Variants in VPS13B observed in about 807,000 individuals in gnomAD.
VPS13B encodes the protein vacuolar protein sorting 13 homolog B, also known as intermembrane lipid transfer protein VPS13B.
A neutral mutation model predicts 426.4 loss-of-function variants in VPS13B; 285 were observed. The ratio of observed to expected loss-of-function variants is 0.67; its 90% CI spans 0.61 to 0.74. The LOEUF (loss-of-function observed/expected upper bound fraction) is 0.74. Ranked by LOEUF, VPS13B falls within the 30% of genes least tolerant of loss-of-function variation. VPS13B has a pLI of 0.00. For synonymous variants in VPS13B, 1,676 were observed against 1,676.4 expected, an observed-to-expected ratio of 1.00 and a Z score of 0.01; for missense variants, 4,537 against 4,782.6, an observed-to-expected ratio of 0.95 and a Z score of 1.51.
chr8:99,717,923 T>G (rs1303338658), intron 37 of VPS13B, among the ~76,000 whole-genome samples: 1 of 152,232 alleles, frequency 6.6e-6, no homozygotes, highest in Non-Finnish European at 1.5e-5. Flanking sequence ...TATTCATTCA[T>G]CAGTTGATAG....
intron 19 of VPS13B, among the ~76,000 whole-genome samples, chr8:99,315,220 G>C (rs774097351): frequency 3.3e-5 from 5 of 152,026 alleles, no homozygotes; most frequent in African/African-American, 7.2e-5. Flanking sequence ...TCATTAAATA[G>C]CTTTATTCCT....
intron 30 of VPS13B, 57 bp from the exon 31 acceptor site, chr8:99,556,393 A>G (rs1824567171): frequency 6.4e-7 from 1 of 1,551,174 alleles, no homozygotes; most frequent in African/African-American, 1.4e-5. Context: ...TAAACATAGA[A>G]TGGTTATTTT....
intron 1 of VPS13B, 147 bp from the exon 2 acceptor site, chr8:99,013,613 G>C: frequency 1.5e-6 from 1 of 688,686 alleles, no homozygotes; most frequent in Non-Finnish European, 2.5e-6. Context: ...CGCAGCTGGA[G>C]CTGGGAGTCC....
chr8:99,081,342 C>T (rs1293565250), intron 3 of VPS13B, among the ~76,000 whole-genome samples: 1 of 152,116 alleles, frequency 6.6e-6, no homozygotes, highest in Non-Finnish European at 1.5e-5. Context: ...TGTCCTCCCC[C>T]ATCCTCAATG....
At chr8:99,824,053 C>T in intron 51 of VPS13B, 75 bp downstream of exon 51, 1 of 1,537,928 alleles carries the variant, frequency 6.5e-7, no homozygotes, top group East Asian at 2.3e-5. Flanking sequence ...TCTCTTTAAC[C>T]TATAGCAAAT....
chr8:99,831,057 C>CG (rs1335296425), intron 51 of VPS13B, among the ~76,000 whole-genome samples: 1 of 131,322 alleles, frequency 7.6e-6, no homozygotes, highest in Non-Finnish European at 1.6e-5. Flanking sequence ...CCATCTTGCC[C>CG]GGGAATTGGT....
intron 19 of VPS13B, chr8:99,347,476 G>T (rs1252294352): frequency 3.3e-5 from 5 of 152,934 alleles, no homozygotes; most frequent in Admixed American, 3.3e-4. Context: ...TTTATTCCGT[G>T]GTTCTAAGAG....
At chr8:99,648,553 T>A (rs1385485958) in intron 34 of VPS13B, among the ~76,000 whole-genome samples, 2 of 152,218 alleles carry the variant, frequency 1.3e-5, no homozygotes, top group Non-Finnish European at 2.9e-5. Flanking sequence ...TTTTAGTGGT[T>A]GCTCTGGGGT....
chr8:99,440,941 C>T (rs1817649849), intron 22 of VPS13B, among the ~76,000 whole-genome samples: 1 of 151,952 alleles, frequency 6.6e-6, no homozygotes, highest in African/African-American at 2.4e-5. Context: ...TCTTAATGTG[C>T]CATTTTAAAT....
chr8:99,178,172 T>C (rs1812742495), intron 16 of VPS13B, among the ~76,000 whole-genome samples: 2 of 151,960 alleles, frequency 1.3e-5, no homozygotes, highest in African/African-American at 2.4e-5. Context: ...TTTTTTTTAT[T>C]ATACTCTAAG....
At chr8:99,182,850 C>T (rs1258532094) in intron 16 of VPS13B, among the ~76,000 whole-genome samples, 9 of 152,224 alleles carry the variant, frequency 5.9e-5, no homozygotes, top group Admixed American at 5.9e-4. Context: ...GATTCCCGGG[C>T]CTCAGCCTTC....
chr8:99,739,950 C>T (rs1412996507), intron 39 of VPS13B, among the ~76,000 whole-genome samples: 1 of 152,146 alleles, frequency 6.6e-6, no homozygotes, highest in Non-Finnish European at 1.5e-5. Flanking sequence ...TCCTCACCAG[C>T]AACAGAACAA....
At chr8:99,636,502 C>T (rs1829074162) in intron 33 of VPS13B, among the ~76,000 whole-genome samples, 1 of 151,814 alleles carries the variant, frequency 6.6e-6, no homozygotes, top group African/African-American at 2.4e-5. Context: ...TTAACATAAC[C>T]CATATGGAAT....
At chr8:99,412,480 TG>T (rs1815736436) in intron 21 of VPS13B, among the ~76,000 whole-genome samples, 2 of 152,226 alleles carry the variant, frequency 1.3e-5, no homozygotes, top group Admixed American at 6.5e-5. Context: ...GCTAAGCTGG[TG>T]GGGTTTTCTA....
chr8:99,668,855 A>G (rs1250150287), intron 35 of VPS13B, among the ~76,000 whole-genome samples: 1 of 152,150 alleles, frequency 6.6e-6, no homozygotes, highest in Non-Finnish European at 1.5e-5. Flanking sequence ...CGTCATTTTA[A>G]TACACAATCT....
intron 19 of VPS13B, among the ~76,000 whole-genome samples, chr8:99,283,005 A>C (rs1360387032): frequency 6.6e-6 from 1 of 152,194 alleles, no homozygotes; most frequent in African/African-American, 2.4e-5. Context: ...TGTCTTGATT[A>C]AAACATACCA....
intron 33 of VPS13B, among the ~76,000 whole-genome samples, chr8:99,631,521 G>A (rs924489088): frequency 3.3e-5 from 5 of 152,042 alleles, no homozygotes; most frequent in Non-Finnish European, 5.9e-5. Flanking sequence ...AATAGGCAAA[G>A]TTTGGAAAAG....
chr8:99,498,032 A>G, intron 25 of VPS13B, among the ~76,000 whole-genome samples: 1 of 152,124 alleles, frequency 6.6e-6, no homozygotes, highest in East Asian at 1.9e-4. Flanking sequence ...GCCATCACAT[A>G]CCATTCAACA....
intron 12 of VPS13B, among the ~76,000 whole-genome samples, chr8:99,137,531 TAA>T (rs370122219): frequency 1.5e-4 from 20 of 137,022 alleles, no homozygotes; most frequent in Admixed American, 1.5e-4. Flanking sequence ...GAAGTGTGGG[TAA>T]AAAAAAAAAA....
Sources: allele counts gnomAD v4.1 joint callset (sites outside exome capture counted in the v4.1 genomes callset), GRCh38; gene constraint gnomAD v4.1.1; transcripts MANE v1.5; gene names NCBI Gene and HGNC (gene_info 2026-07-23, HGNC 2026-07-21).